The following ANXA6 variants were observed in gnomAD, a reference collection of about 807,000 sequenced individuals.
ANXA6 encodes annexin A6.
In ANXA6, 71 loss-of-function variants were observed where a neutral mutation model predicts 95.4. That is an observed-to-expected ratio of 0.74 (90% CI 0.61 to 0.91). ANXA6 has a LOEUF of 0.91. Among genes scored for constraint, ANXA6 ranks in the 40% least tolerant of loss-of-function variants. The pLI is 0.00. For missense variants in ANXA6, 830 were observed against 876.4 expected (o/e 0.95, Z 0.67); for synonymous variants, 289 against 315.9 (o/e 0.91, Z 0.90).
At chr5:151,104,404 T>C (rs1256340654) in intron 24 of ANXA6, among the ~76,000 whole-genome samples, 2 of 151,868 alleles carry the variant, frequency 1.3e-5, no homozygotes, top group Non-Finnish European at 2.9e-5. Flanking sequence ...AGCCTAGGAG[T>C]CAGAGCTAGG....
intron 1 of ANXA6, chr5:151,151,079 T>A (rs1394659794): frequency 3.3e-5 from 5 of 152,248 alleles, no homozygotes. Context: ...GAGAGCAGTT[T>A]CTGTGTGCCT....
intron 15 of ANXA6, among the ~76,000 whole-genome samples, chr5:151,124,059 G>C (rs1765243875): frequency 1.3e-5 from 2 of 152,188 alleles, no homozygotes; most frequent in African/African-American, 4.8e-5. Context: ...AGGAGGCTGG[G>C]GGACACCTTG....
intron 4 of ANXA6, 90 bp downstream of exon 4, chr5:151,139,263 C>T: frequency 1.1e-6 from 1 of 936,498 alleles, no homozygotes; most frequent in Non-Finnish European, 1.6e-6. Flanking sequence ...CCTGGAGTGC[C>T]ATATCCAGGA....
chr5:151,114,330 G>A (rs7703129), intron 20 of ANXA6, among the ~76,000 whole-genome samples: 49,717 of 151,848 alleles, frequency 0.33, 9,292 homozygotes, highest in Admixed American at 0.46. Context: ...TAAAAGCCTG[G>A]GCCAGGCATG....
chr5:151,146,732 A>G (rs1248463980), intron 2 of ANXA6, among the ~76,000 whole-genome samples: 1 of 152,178 alleles, frequency 6.6e-6, no homozygotes, highest in African/African-American at 2.4e-5. Context: ...CACTGACTGC[A>G]TGGCTTTCTC....
chr5:151,106,933 G>A (rs1764708700), intron 23 of ANXA6, among the ~76,000 whole-genome samples: 1 of 152,166 alleles, frequency 6.6e-6, no homozygotes, highest in Non-Finnish European at 1.5e-5. Context: ...TGTTCAAGGT[G>A]GGAGGAGAAA....
chr5:151,129,405 A>C lies in ANXA6; in HGVS notation c.918+2T>G, dbSNP rs1194626791. 6.2e-7 allele frequency: 1 copy of C among 1,613,374 alleles called. No individual in the cohort carries two copies. The highest frequency in any genetic ancestry group is 1.1e-5 in the South Asian group (1 of 91,034). ...TTCTCTGCCCCCATGAGCTCTGCTG[A>C]CCTTGATCATGCTGTAGAGGGACTT... is the stretch of plus-strand genomic sequence containing the variant. On this transcript the variant is annotated splice_donor_variant, in intron 12 of 25. Coordinates refer to ENST00000354546, the MANE Select transcript of ANXA6 (RefSeq NM_001155.5). LOFTEE classifies it high-confidence loss of function.
chr5:151,115,890 A>C (rs1764985067), intron 20 of ANXA6, among the ~76,000 whole-genome samples: 1 of 152,256 alleles, frequency 6.6e-6, no homozygotes, highest in South Asian at 2.1e-4. Flanking sequence ...GGGTCTTGGA[A>C]GATATTACTG....
chr5:151,148,174 T>C (rs933287960), intron 1 of ANXA6, among the ~76,000 whole-genome samples: 6 of 152,006 alleles, frequency 3.9e-5, no homozygotes, highest in African/African-American at 7.2e-5. Context: ...GGCATGGCAC[T>C]GACCCACCAC....
intron 14 of ANXA6, among the ~76,000 whole-genome samples, chr5:151,125,354 A>AAG (rs1437146269): frequency 1.3e-5 from 2 of 151,882 alleles, no homozygotes; most frequent in African/African-American, 2.4e-5. Context: ...AAAAAAAAAA[A>AAG]AAAAAAGGAA....
At chr5:151,126,364 T>C (rs1765315080) in intron 14 of ANXA6, 38 bp downstream of exon 14, 1 of 1,555,890 alleles carries the variant, frequency 6.4e-7, no homozygotes, top group Admixed American at 1.8e-5. Flanking sequence ...AGAGAAGCTG[T>C]GGTCAAGAGG....
intron 13 of ANXA6, among the ~76,000 whole-genome samples, chr5:151,127,381 CCAATTTAACATTCTGGGAAGAGG>C (rs1765354197): frequency 6.6e-6 from 1 of 152,190 alleles, no homozygotes. Flanking sequence ...AAGTAATGTC[CCAATTTAACATTCTGGGAAGAGG>C]CCCCCAGGCC....
intron 13 of ANXA6, among the ~76,000 whole-genome samples, chr5:151,127,345 T>C (rs1401903606): frequency 6.6e-6 from 1 of 152,234 alleles, no homozygotes; most frequent in Non-Finnish European, 1.5e-5. Flanking sequence ...CGCAGCCTGT[T>C]CCCTTTCTCA....
chr5:151,118,375 C>T (rs1177278941), intron 18 of ANXA6, among the ~76,000 whole-genome samples: 2 of 152,024 alleles, frequency 1.3e-5, no homozygotes, highest in African/African-American at 4.8e-5. Context: ...GATCCTCCCA[C>T]CTCAGTCTCC....
At chr5:151,130,849 G>A (rs1387984491) in intron 11 of ANXA6, among the ~76,000 whole-genome samples, 2 of 152,254 alleles carry the variant, frequency 1.3e-5, no homozygotes, top group African/African-American at 4.8e-5. Context: ...CACACCCAGA[G>A]TGGAACTGTC....
At chr5:151,130,343 T>C (rs1054751771) in intron 11 of ANXA6, among the ~76,000 whole-genome samples, 2 of 151,914 alleles carry the variant, frequency 1.3e-5, no homozygotes, top group Non-Finnish European at 2.9e-5. Flanking sequence ...CCAGGGGCCC[T>C]GTGCTCAAGA....
chr5:151,135,751 C>A (rs1161694674), intron 7 of ANXA6, among the ~76,000 whole-genome samples: 1 of 152,244 alleles, frequency 6.6e-6, no homozygotes, highest in Non-Finnish European at 1.5e-5. Context: ...CAAAATCTCA[C>A]AATTTTTAAA....
chr5:151,108,580 G>A, intron 22 of ANXA6, 30 bp from the exon 23 acceptor site: 1 of 1,601,994 alleles, frequency 6.2e-7, no homozygotes, highest in Non-Finnish European at 8.6e-7. Flanking sequence ...CAGAGGTGGG[G>A]GTGAGCTTCA....
At chr5:151,138,850 T>A in intron 4 of ANXA6, 59 bp from the exon 5 acceptor site, 1 of 1,187,718 alleles carries the variant, frequency 8.4e-7, no homozygotes, top group Non-Finnish European at 1.2e-6. Context: ...GTTACAACGG[T>A]AAGAATTACA....
Sources: allele counts gnomAD v4.1 joint callset (sites outside exome capture counted in the v4.1 genomes callset), GRCh38; gene constraint gnomAD v4.1.1; transcripts MANE v1.5; gene names NCBI Gene and HGNC (gene_info 2026-07-23, HGNC 2026-07-21).